The following NETO1 variants were observed in gnomAD, a reference collection of about 807,000 sequenced individuals.
The protein encoded by NETO1 is neuropilin and tolloid like 1, also known as neuropilin and tolloid-like protein 1.
Under a neutral mutation model 61.3 loss-of-function variants are expected in NETO1, and 26 were observed. That is an observed-to-expected ratio of 0.42 (90% CI 0.31 to 0.59). The LOEUF is 0.59. NETO1 is among the 20% of genes least tolerant of loss of function. The probability of loss-of-function intolerance (pLI) is 0.12; values close to 1 mark genes in which losing one functional copy is unlikely to be tolerated. For missense variants in NETO1, 531 were observed against 662.8 expected (o/e 0.80, Z 2.18); for synonymous variants, 225 against 225.8 (o/e 1.00, Z 0.03).
intron 7 of NETO1, among the ~76,000 whole-genome samples, chr18:72,766,836 T>G (rs1376789705): frequency 6.6e-6 from 1 of 152,236 alleles, no homozygotes. Flanking sequence ...TCATAATGTA[T>G]CCATTATTTT....
chr18:72,864,325 C>T (rs1022039586), intron 3 of NETO1, among the ~76,000 whole-genome samples: 1 of 152,132 alleles, frequency 6.6e-6, no homozygotes, highest in Admixed American at 6.5e-5. Context: ...CACTTGTTAA[C>T]ACAAATAAGG....
intron 7 of NETO1, among the ~76,000 whole-genome samples, chr18:72,776,910 C>CT (rs1247929328): frequency 6.6e-6 from 1 of 152,196 alleles, no homozygotes; most frequent in Non-Finnish European, 1.5e-5. Context: ...ATTTAAAACT[C>CT]TAAGTCCAAA....
chr18:72,777,227 G>C (rs1039328510), intron 7 of NETO1, among the ~76,000 whole-genome samples: 4 of 151,444 alleles, frequency 2.6e-5, no homozygotes, highest in Non-Finnish European at 5.9e-5. Context: ...CAACCAGCCT[G>C]ACCAACATGG....
chr18:72,809,613 A>G (rs1037636342), intron 4 of NETO1, among the ~76,000 whole-genome samples: 3 of 152,258 alleles, frequency 2.0e-5, no homozygotes, highest in African/African-American at 7.2e-5. Context: ...ATGAATAAAA[A>G]TTATCTTAAT....
intron 4 of NETO1, among the ~76,000 whole-genome samples, chr18:72,855,635 T>C (rs2074390922): frequency 6.6e-6 from 1 of 152,126 alleles, no homozygotes; most frequent in Non-Finnish European, 1.5e-5. Context: ...CAGCAAGAGC[T>C]TGGGACTGAA....
intron 4 of NETO1, among the ~76,000 whole-genome samples, chr18:72,813,986 G>A (rs576198506): frequency 2.6e-5 from 4 of 152,008 alleles, no homozygotes; most frequent in Non-Finnish European, 5.9e-5. Flanking sequence ...AGTGGCACCC[G>A]GGAGACTGGA....
chr18:72,866,501 C>G (rs910349495), intron 1 of NETO1, among the ~76,000 whole-genome samples: 8 of 152,024 alleles, frequency 5.3e-5, no homozygotes, highest in African/African-American at 1.9e-4. Flanking sequence ...CCTTCAGCAT[C>G]AGGATGTGTA....
intron 4 of NETO1, among the ~76,000 whole-genome samples, chr18:72,825,976 A>G (rs186472878): frequency 6.6e-6 from 1 of 152,286 alleles, no homozygotes; most frequent in East Asian, 1.9e-4. Context: ...AATCATATAT[A>G]CTTCCTTTAT....
intron 1 of NETO1, among the ~76,000 whole-genome samples, chr18:72,866,398 C>G (rs1431708730): frequency 6.6e-6 from 1 of 152,080 alleles, no homozygotes; most frequent in South Asian, 2.1e-4. Context: ...AAGGCACTGG[C>G]TGCTGTTGTT....
chr18:72,847,233 T>C (rs912553343), intron 4 of NETO1, among the ~76,000 whole-genome samples: 2 of 152,250 alleles, frequency 1.3e-5, no homozygotes, highest in Non-Finnish European at 2.9e-5. Flanking sequence ...CGTGGGCACA[T>C]GCCCTGCTGA....
chr18:72,750,669 A>T, intron 8 of NETO1, 49 bp from the exon 9 acceptor site: 12 of 1,339,320 alleles, frequency 9.0e-6, no homozygotes, highest in Non-Finnish European at 1.2e-5. Flanking sequence ...AGAAGAAGCA[A>T]CGCAGCAAAC....
intron 7 of NETO1, among the ~76,000 whole-genome samples, chr18:72,769,831 T>C (rs1200591833): frequency 2.0e-5 from 3 of 152,110 alleles, no homozygotes; most frequent in Admixed American, 1.3e-4. Flanking sequence ...ATAAAGAGTA[T>C]ATGTACATTC....
chr18:72,865,642 A>G, intron 1 of NETO1: 1 of 1,586,428 alleles, frequency 6.3e-7, no homozygotes, highest in Non-Finnish European at 8.6e-7. Context: ...GAGGAAAAGG[A>G]GAGGCAAACA....
In NETO1 at chr18:72,783,923, A is replaced by C. The variant is rs1302681098; in HGVS notation, c.640-17T>G. ...TAAGTAAATCTATAAAACAAAAATA[A>C]AATAATTTCCACATATCAAAATATG... On this transcript the variant is annotated splice_polypyrimidine_tract_variant and intron_variant, in intron 6 of 10. Coordinates refer to ENST00000327305, the MANE Select transcript of NETO1 (RefSeq NM_138966.5). The C allele has an allele frequency of 6.4e-7, 1 of 1,565,596 alleles. No homozygotes were observed.
Sources: allele counts gnomAD v4.1 joint callset (sites outside exome capture counted in the v4.1 genomes callset), GRCh38; gene constraint gnomAD v4.1.1; transcripts MANE v1.5; gene names NCBI Gene and HGNC (gene_info 2026-07-23, HGNC 2026-07-21).